The following GRAMD4 variants were observed in gnomAD, a reference collection of about 807,000 sequenced individuals.
GRAMD4 encodes the protein GRAM domain containing 4.
Under a neutral mutation model 83.9 loss-of-function variants are expected in GRAMD4, and 25 were observed. The observed-to-expected ratio is 0.30, with a 90% confidence interval of 0.22 to 0.42. GRAMD4 has a LOEUF of 0.42. GRAMD4 is among the 10% of genes least tolerant of loss of function. The pLI is 1.00. For missense variants in GRAMD4, 593 were observed against 788.7 expected (o/e 0.75, Z 2.97); for synonymous variants, 336 against 320.9 (o/e 1.05, Z -0.50).
intron 1 of GRAMD4, among the ~76,000 whole-genome samples, chr22:46,623,664 G>C (rs1601582127): frequency 6.6e-6 from 1 of 152,208 alleles, no homozygotes; most frequent in Non-Finnish European, 1.5e-5. Context: ...CCAAAGTGCT[G>C]AGATTACAGG....
Position 46,626,738 on chromosome 22 carries a change from C to T in GRAMD4, c.-49-13C>T. On this transcript the variant is annotated splice_polypyrimidine_tract_variant and intron_variant, in intron 1 of 18. Coordinates refer to ENST00000406902, the MANE Select transcript of GRAMD4 (RefSeq NM_015124.5). The stretch of plus-strand genomic sequence containing the variant: ...GTGGCGAGCGGGAGAGTGACCACGC[C>T]CCTCTCTTGCAGGGAACCCGAGCGT... 1 of 1,565,522 alleles carries T rather than the reference C, an allele frequency of 6.4e-7. No individual in the cohort carries two copies. The highest frequency in any genetic ancestry group is 8.7e-7 in the Non-Finnish European group (1 of 1,143,234).
intron 1 of GRAMD4, among the ~76,000 whole-genome samples, chr22:46,591,219 A>C (rs1242084033): frequency 6.6e-6 from 1 of 152,210 alleles, no homozygotes; most frequent in African/African-American, 2.4e-5. Context: ...TCAGGGACTT[A>C]AACAGAAATT....
chr22:46,576,294 T>G (rs2081042134), upstream of GRAMD4, among the ~76,000 whole-genome samples: 1 of 152,200 alleles, frequency 6.6e-6, no homozygotes. Flanking sequence ...GCGTGTCCCC[T>G]AAACCTAGGG....
At chr22:46,671,885 T>G (rs1601682651) in intron 13 of GRAMD4, among the ~76,000 whole-genome samples, 2 of 152,186 alleles carry the variant, frequency 1.3e-5, no homozygotes, top group South Asian at 4.1e-4. Context: ...CTGACTTGAT[T>G]GATGAATTTC....
intron 15 of GRAMD4, 185 bp from the exon 16 acceptor site, chr22:46,674,472 A>G: frequency 3.3e-6 from 2 of 614,660 alleles, no homozygotes; most frequent in Non-Finnish European, 5.9e-6. Context: ...TGAAGAGGAA[A>G]CATCTGTTTT....
chr22:46,664,190 C>A, intron 8 of GRAMD4, 73 bp downstream of exon 8: 1 of 1,093,250 alleles, frequency 9.1e-7, no homozygotes, highest in Non-Finnish European at 1.4e-6. Context: ...TGATCAGGCA[C>A]CTTCCCAGGG....
intron 2 of GRAMD4, among the ~76,000 whole-genome samples, chr22:46,629,901 G>A (rs1042310511): frequency 5.9e-5 from 9 of 152,282 alleles, no homozygotes; most frequent in Admixed American, 1.3e-4. Flanking sequence ...ATGAGGCCTC[G>A]TGTGTCTGTC....
In GRAMD4 at chr22:46,659,491, TG is replaced by T. The variant is rs1326832191; in HGVS notation, c.404+1187del. On this transcript the variant is annotated intron_variant, in intron 4 of 18. Transcript: ENST00000406902. This position sits in a 1 kb window ranked among gnomAD's most constrained non-coding sequence, Gnocchi z 4.1. Reference sequence around the variant, plus strand: ...CAGTTAGGGAGGCACACGGCATCTCTGGGACACCCCAGCTGAGCACTGCCTG... The same window carrying T: ...CAGTTAGGGAGGCACACGGCATCTCTGGACACCCCAGCTGAGCACTGCCTG... Among the ~76,000 whole-genome samples the T allele has an allele frequency of 1.3e-5, 2 of 152,220 alleles. No individual in the cohort carries two copies. The highest frequency in any genetic ancestry group is 2.9e-5 in the Non-Finnish European group (2 of 68,034).
At chr22:46,647,391 G>A (rs1386217202) in intron 3 of GRAMD4, among the ~76,000 whole-genome samples, 2 of 152,136 alleles carry the variant, frequency 1.3e-5, no homozygotes, top group Non-Finnish European at 2.9e-5. Flanking sequence ...ATACTTCATT[G>A]CCCAGGACAG....
At chr22:46,600,707 C>T (rs568719784) in intron 1 of GRAMD4, among the ~76,000 whole-genome samples, 3 of 152,270 alleles carry the variant, frequency 2.0e-5, no homozygotes, top group Middle Eastern at 3.4e-3. Flanking sequence ...ACTGGCGAGT[C>T]TTTGTGCATG....
At chr22:46,665,831 CT>C (rs1402805879) in intron 9 of GRAMD4, 125 bp downstream of exon 9, 1 of 625,184 alleles carries the variant, frequency 1.6e-6, no homozygotes, top group African/African-American at 1.8e-5. Flanking sequence ...GGGTGGTCCC[CT>C]GACAGGCTCC....
chr22:46,618,532 C>A (rs544213181), upstream of GRAMD4, among the ~76,000 whole-genome samples: 148 of 152,190 alleles, frequency 9.7e-4, no homozygotes, highest in African/African-American at 3.2e-3. This position sits in a 1 kb window ranked among gnomAD's most constrained non-coding sequence, Gnocchi z 5.8. Context: ...TGAGCCAGAG[C>A]TGATGAGGGT....
intron 3 of GRAMD4, among the ~76,000 whole-genome samples, chr22:46,657,664 T>G (rs994393576): frequency 1.3e-5 from 2 of 152,212 alleles, no homozygotes; most frequent in African/African-American, 2.4e-5. Context: ...AGAGCAGCCC[T>G]GTGTCCAGCC....
rs190060356 is a variant in GRAMD4, at chr22:46,644,513, C to T, written c.283+6553C>T. ...CTGTCCCTGTTCTGTGTTACACCTGCCCCTGTTCCGTGTTACACCTGTCCC... is the reference window on the plus strand; with the variant it reads ...CTGTCCCTGTTCTGTGTTACACCTGTCCCTGTTCCGTGTTACACCTGTCCC... On this transcript the variant is annotated intron_variant, in intron 3 of 18. Transcript: ENST00000406902. Among the ~76,000 whole-genome samples the T allele has an allele frequency of 1.6e-3, 218 of 135,384 alleles. 2 individuals carry two copies. Among genetic ancestry groups the T allele is most frequent in the African/African-American group, 5.7e-3 (204 of 35,786 alleles). The allele number at this position is 135,384 out of a possible 152,430, so 88.8% of individuals were successfully genotyped here.
At chr22:46,587,475 T>C (rs9616068) in intron 1 of GRAMD4, among the ~76,000 whole-genome samples, 48,050 of 151,090 alleles carry the variant, frequency 0.32, 8,274 homozygotes, top group African/African-American at 0.41. Context: ...TGCCCAGGTT[T>C]GTGTCTTCTG....
intron 13 of GRAMD4, chr22:46,671,139 A>C (rs1252560524): frequency 2.1e-6 from 1 of 466,450 alleles, no homozygotes; most frequent in Non-Finnish European, 4.5e-6. Flanking sequence ...TCTTGAGCTG[A>C]GCTGTCCCTC....
intron 16 of GRAMD4, 36 bp downstream of exon 16, chr22:46,674,786 G>T: frequency 6.9e-7 from 1 of 1,451,656 alleles, no homozygotes; most frequent in Non-Finnish European, 9.7e-7. Context: ...TGGCTGCAGG[G>T]GAGGGGGCGC....
rs908523829 is a variant in GRAMD4, at chr22:46,620,995, C to T, written c.-50+430C>T. Among the ~76,000 whole-genome samples the T allele has an allele frequency of 2.6e-5, 4 of 151,742 alleles. No individual in the cohort carries two copies. The highest frequency in any genetic ancestry group is 2.6e-4 in the Admixed American group (4 of 15,218). On this transcript the variant is annotated intron_variant, in intron 1 of 18. Coordinates refer to ENST00000406902, the MANE Select transcript of GRAMD4 (RefSeq NM_015124.5). This position sits in a 1 kb window ranked among gnomAD's most constrained non-coding sequence, Gnocchi z 4.7. The stretch of plus-strand genomic sequence containing the variant: ...GGGCCCTGGGCTGCCAGGGGTGGGC[C>T]TGTAGGTGCAGGTGGAGGGGCTGGT...
At chr22:46,652,432 A>T (rs375106915) in intron 3 of GRAMD4, among the ~76,000 whole-genome samples, 2 of 152,160 alleles carry the variant, frequency 1.3e-5, no homozygotes, top group Admixed American at 6.5e-5. Context: ...CCCAGGCTGG[A>T]CTTCTGACCC....
Sources: gnomAD v4.1 joint callset for allele counts (sites outside exome capture counted in the v4.1 genomes callset) on GRCh38, gnomAD v4.1.1 for gene constraint, Gnocchi (gnomAD v3.1) non-coding constraint, MANE v1.5 for transcripts, NCBI Gene and HGNC (gene_info 2026-07-23, HGNC 2026-07-21) for gene names.